FGL2: variants seen among roughly 807,000 people sequenced by gnomAD.
FGL2 encodes fibroleukin.
Under a neutral mutation model 36.0 loss-of-function variants are expected in FGL2, and 21 were observed. That is an observed-to-expected ratio of 0.58 (90% CI 0.41 to 0.84). The LOEUF is 0.84. FGL2 is among the 40% of genes least tolerant of loss of function. FGL2 has a pLI of 0.00. For missense variants in FGL2, 444 were observed against 526.3 expected (o/e 0.84, Z 1.53); for synonymous variants, 183 against 190.7 (o/e 0.96, Z 0.33).
In FGL2 at chr7:77,193,525, C is replaced by T. The variant is rs1396043361; in HGVS notation, c.*2754G>A. The T allele has an allele frequency of 6.6e-6, 1 of 152,154 alleles. No individual in the cohort carries two copies. The highest frequency in any genetic ancestry group is 2.4e-5 in the African/African-American group (1 of 41,448). The allele number at this position is 152,154 out of a possible 1,614,324, so 9.4% of individuals were successfully genotyped here. ...AAGAGCTTATTGTGATGACATTACT[C>T]ATAACTTTTACCTTTAAAACCTTTT... is the stretch of plus-strand genomic sequence containing the variant. On this transcript the variant is annotated 3_prime_UTR_variant, in exon 2 of 2. Transcript: ENST00000248598.
In FGL2 at chr7:77,199,569, G is replaced by A. The variant is rs757330890; in HGVS notation, c.225C>T (p.Ile75=). 1.2e-6 allele frequency: 2 copies of A among 1,614,096 alleles called. No homozygotes were observed. The highest frequency in any genetic ancestry group is 2.2e-5 in the East Asian group (1 of 44,882). The change falls in exon 1 of 2, where the codon ATC becomes ATT. Residue 75 remains isoleucine (I), a synonymous_variant. Coordinates refer to ENST00000248598, the MANE Select transcript of FGL2 (RefSeq NM_006682.3). ...TTTGGACTTCTTTGAACACCTCCTC[G>A]ATCCTGCTGAATTGCTTCGGGAGCT... The part of the protein sequence containing the change: ...TIQLPKQFSR[I]EEVFKEVQNL...
intron 1 of FGL2, among the ~76,000 whole-genome samples, chr7:77,197,695 T>TGAA (rs1381714326): frequency 6.6e-6 from 1 of 152,216 alleles, no homozygotes; most frequent in African/African-American, 2.4e-5. Context: ...CATAAATTCA[T>TGAA]ATTCATTTCA....
chr7:77,193,591 G>T lies in FGL2; in HGVS notation c.*2688C>A, dbSNP rs766504947. On this transcript the variant is annotated 3_prime_UTR_variant, in exon 2 of 2. Coordinates refer to ENST00000248598, the MANE Select transcript of FGL2 (RefSeq NM_006682.3). ...AAAAGTAAAGACCACAAGTTTTGTTGCCCAGATTTCTTATGTTTTGTATAT... is the reference window on the plus strand; with the variant it reads ...AAAAGTAAAGACCACAAGTTTTGTTTCCCAGATTTCTTATGTTTTGTATAT... The T allele has an allele frequency of 1.3e-5, 2 of 152,036 alleles. No individual in the cohort carries two copies. The highest frequency in any genetic ancestry group is 1.3e-4 in the Admixed American group (2 of 15,266). The allele number at this position is 152,036 out of a possible 1,614,324, so 9.4% of individuals were successfully genotyped here. A position where few individuals can be genotyped will look rare whatever the true frequency, so the allele number is the denominator to read the frequency against.
At position 77,196,654 on chromosome 7, in the gene FGL2, C is replaced by A; in HGVS notation, c.945G>T (p.Leu315Phe). The A allele has an allele frequency of 1.9e-6, 3 of 1,614,090 alleles. No homozygotes were observed. The highest frequency in any genetic ancestry group is 1.1e-5 in the South Asian group (1 of 91,088). The change falls in exon 2 of 2, where the codon TTG becomes TTT. Residue 315 changes from leucine to phenylalanine, a missense_variant. Physicochemically the swap from Leu to Phe is conservative, Grantham distance 22 (BLOSUM62 0). Transcript: ENST00000248598. The surrounding 1 kb of genome is among the most constrained non-coding windows in gnomAD (Gnocchi z 4.2). ...EDFNGVELYA[L>F]YDQFYVANEF... ...CATTAGCCACATAAAACTGATCATA[C>A]AAGGCATATAGTTCGACACCATTAA...
chr7:77,196,817 C>T lies in FGL2; in HGVS notation c.782G>A (p.Ser261Asn), dbSNP rs1016961575. 10 of 1,613,982 alleles carry T rather than the reference C, an allele frequency of 6.2e-6. No individual in the cohort carries two copies. The highest frequency in any genetic ancestry group is 8.5e-6 in the Non-Finnish European group (10 of 1,180,024). Reference sequence around the variant, plus strand: ...TTGCCATGTTCTGGTGAAGTTGGTGCTCCCATCGAGACGTGCCTGCAGCAC... The same window carrying T: ...TTGCCATGTTCTGGTGAAGTTGGTGTTCCCATCGAGACGTGCCTGCAGCAC... ...WTVLQARLDGSTNFTRTWQDY... is the reference protein window; with the variant it reads ...WTVLQARLDGNTNFTRTWQDY... Residue 261 changes from serine (S) to asparagine (N), a missense_variant, in exon 2 of 2, where the codon AGC (serine) becomes AAC (asparagine). Physicochemically the swap from Ser to Asn is conservative, Grantham distance 46. Transcript: ENST00000248598. This position sits in a 1 kb window ranked among gnomAD's most constrained non-coding sequence, Gnocchi z 4.2.
chr7:77,195,028 A>T lies in FGL2; in HGVS notation c.*1251T>A, dbSNP rs768402236. 2.0e-5 allele frequency: 3 copies of T among 152,196 alleles called. No individual in the cohort carries two copies. The highest frequency in any genetic ancestry group is 2.9e-5 in the Non-Finnish European group (2 of 68,004). 9.4% of individuals were successfully genotyped at this position (152,196 alleles called of 1,614,324 possible). On this transcript the variant is annotated 3_prime_UTR_variant, in exon 2 of 2. Transcript: ENST00000248598. The stretch of plus-strand genomic sequence containing the variant: ...TACTGTTCTATATATTTCAAAATTC[A>T]TGTTTTCTATCTGTCCTAGAGAAAC...
chr7:77,196,266 T>C lies in FGL2; in HGVS notation c.*13A>G. 1.3e-6 allele frequency: 2 copies of C among 1,593,458 alleles called. No homozygotes were observed. The highest frequency in any genetic ancestry group is 1.7e-6 in the Non-Finnish European group (2 of 1,164,588). On this transcript the variant is annotated 3_prime_UTR_variant, in exon 2 of 2. Transcript: ENST00000248598. This position sits in a 1 kb window ranked among gnomAD's most constrained non-coding sequence, Gnocchi z 4.2. ...ATTAGATAACGAATACCTGGAGGAA[T>C]GAACAGAGTGATTTATGGCTTAAAG...
rs200082660 is a variant in FGL2 at position 77,199,352 on chromosome 7, T to C, written c.442A>G (p.Lys148Glu). Residue 148 changes from lysine (K) to glutamate (E), a missense_variant, in exon 1 of 2, where the codon AAA (lysine) becomes GAA (glutamate). Physicochemically the swap from Lys to Glu is moderately conservative, Grantham distance 56. Transcript: ENST00000248598. ...CCATGAAGTACATTGATCTCCTCTT[T>C]GGCATTCTTTAGCTCAGAGGACAGC... is the stretch of plus-strand genomic sequence containing the variant. ...NKLSSELKNAKEEINVLHGRL... is the reference protein window; with the variant it reads ...NKLSSELKNAEEEINVLHGRL... The C allele has an allele frequency of 3.1e-6, 5 of 1,614,104 alleles. No individual in the cohort carries two copies. The East Asian group carries it at 1.1e-4, about 36-fold the overall frequency.
rs201777914 is a variant in FGL2 at position 77,196,825 on chromosome 7, G to A, written c.774C>T (p.Leu258=). 5.6e-6 allele frequency: 9 copies of A among 1,613,948 alleles called. No homozygotes were observed. In the East Asian group the frequency reaches 6.7e-5, roughly 12 times the overall value. ...GGGWTVLQAR[L]DGSTNFTRTW... The stretch of plus-strand genomic sequence containing the variant: ...TTCTGGTGAAGTTGGTGCTCCCATC[G>A]AGACGTGCCTGCAGCACTGTCCAGC... Residue 258 remains leucine, a synonymous_variant, in exon 2 of 2, where the codon CTC becomes CTT. Coordinates refer to ENST00000248598, the MANE Select transcript of FGL2 (RefSeq NM_006682.3). This position sits in a 1 kb window ranked among gnomAD's most constrained non-coding sequence, Gnocchi z 4.2.
In FGL2 at chr7:77,199,643, C is replaced by G; in HGVS notation, c.151G>C (p.Glu51Gln). 1 of 1,614,202 alleles carries G rather than the reference C, an allele frequency of 6.2e-7. No homozygotes were observed. Among genetic ancestry groups the G allele is most frequent in the Non-Finnish European group, 8.5e-7 (1 of 1,180,014 alleles). ...VRLESRGKCEEAGECPYQVSL... is the reference protein window; with the variant it reads ...VRLESRGKCEQAGECPYQVSL... ...ACCTGGTAGGGGCACTCCCCTGCCTCTTCGCATTTCCCTCTGCTTTCTAGT... is the reference window on the plus strand; with the variant it reads ...ACCTGGTAGGGGCACTCCCCTGCCTGTTCGCATTTCCCTCTGCTTTCTAGT... Residue 51 changes from glutamate to glutamine, a missense_variant, in exon 1 of 2, where the codon GAG (glutamate) becomes CAG (glutamine). Physicochemically the swap from Glu to Gln is conservative, Grantham distance 29 (BLOSUM62 2). Coordinates refer to ENST00000248598, the MANE Select transcript of FGL2 (RefSeq NM_006682.3).
At position 77,199,734 on chromosome 7, in the gene FGL2, CA is replaced by C. The variant is rs779171058; in HGVS notation, c.59del (p.Leu20TrpfsTer22). On this transcript the variant is annotated frameshift_variant, in exon 1 of 2. Transcript: ENST00000248598. LOFTEE classifies it high-confidence loss of function. ...CCTCTGTTTCATTGTTTGCCACAAC[CA>C]AAAAACCGTAAGTGGCAAGAACAGC... ...SSAVLATYGF[L>X]VVANNETEEI... 15 of 1,613,922 alleles carry C rather than the reference CA, an allele frequency of 9.3e-6. No homozygotes were observed. In the Admixed American group the frequency reaches 2.5e-4, roughly 27 times the overall value.
intron 1 of FGL2, chr7:77,198,363 C>T: frequency 1.0e-6 from 1 of 965,268 alleles, no homozygotes; most frequent in Non-Finnish European, 1.2e-6. Context: ...AAGTATGAGA[C>T]AGTCAGCAAC....
In FGL2 at chr7:77,199,571, T is replaced by C; in HGVS notation, c.223A>G (p.Ile75Val). ...TIQLPKQFSR[I>V]EEVFKEVQNL... ...TGGACTTCTTTGAACACCTCCTCGA[T>C]CCTGCTGAATTGCTTCGGGAGCTGA... The change falls in exon 1 of 2, where the codon ATC becomes GTC. Residue 75 changes from isoleucine (I) to valine (V), a missense_variant. Ile to Val is a conservative substitution (Grantham distance 29, BLOSUM62 3). Coordinates refer to ENST00000248598, the MANE Select transcript of FGL2 (RefSeq NM_006682.3). 6.2e-7 allele frequency: 1 copy of C among 1,614,162 alleles called. No homozygotes were observed. Among genetic ancestry groups the C allele is most frequent in the Middle Eastern group, 1.6e-4 (1 of 6,062 alleles).
chr7:77,199,057 C>A, intron 1 of FGL2, 124 bp downstream of exon 1: 1 of 829,024 alleles, frequency 1.2e-6, no homozygotes, highest in Admixed American at 2.5e-5. Flanking sequence ...TTCCTGTGCA[C>A]CTTGATAAAT....
At position 77,195,190 on chromosome 7, in the gene FGL2, T is replaced by C. The variant is rs1791844446; in HGVS notation, c.*1089A>G. The C allele has an allele frequency of 7.9e-6, 1 of 126,936 alleles. No individual in the cohort carries two copies. The highest frequency in any genetic ancestry group is 1.6e-5 in the Non-Finnish European group (1 of 62,920). 7.9% of individuals were successfully genotyped at this position (126,936 alleles called of 1,614,324 possible). On this transcript the variant is annotated 3_prime_UTR_variant, in exon 2 of 2. Transcript: ENST00000248598. ...CACCCCCCCCAAAAAAACCTACCAGTAGTCTAGTACAGTAGTGAGCAATCT... is the reference window on the plus strand; with the variant it reads ...CACCCCCCCCAAAAAAACCTACCAGCAGTCTAGTACAGTAGTGAGCAATCT...
rs984083913 is a variant in FGL2, at chr7:77,196,102, A to T, written c.*177T>A. 2.1e-5 allele frequency: 12 copies of T among 565,472 alleles called. No individual in the cohort carries two copies. Among genetic ancestry groups the T allele is most frequent in the Non-Finnish European group, 3.4e-5 (11 of 321,620 alleles). The allele number at this position is 565,472 out of a possible 1,614,324, so 35.0% of individuals were successfully genotyped here. A position where few individuals can be genotyped will look rare whatever the true frequency, so the allele number is the denominator to read the frequency against. On this transcript the variant is annotated 3_prime_UTR_variant, in exon 2 of 2. Coordinates refer to ENST00000248598, the MANE Select transcript of FGL2 (RefSeq NM_006682.3). This position sits in a 1 kb window ranked among gnomAD's most constrained non-coding sequence, Gnocchi z 4.2. ...TTGGATAACAGCATAACAACAAAGG[A>T]CTCCTTTAAAATGCATTGTTTTTCA...
At chr7:77,198,720 GA>G (rs748693172) in intron 1 of FGL2, 115 of 165,828 alleles carry the variant, frequency 6.9e-4, no homozygotes, top group Non-Finnish European at 1.2e-3. Flanking sequence ...TTGGGATTAA[GA>G]ACTAGATTAC....
chr7:77,198,072 T>A, intron 1 of FGL2: 1 of 933,288 alleles, frequency 1.1e-6, no homozygotes, highest in Non-Finnish European at 1.3e-6. Flanking sequence ...CTTCATATCA[T>A]GACAAGTTGC....
rs963180258 is a variant in FGL2 at position 77,193,777 on chromosome 7, C to T, written c.*2502G>A. 6.6e-6 allele frequency: 1 copy of T among 152,408 alleles called. No homozygotes were observed. The highest frequency in any genetic ancestry group is 1.5e-5 in the Non-Finnish European group (1 of 67,948). The allele number at this position is 152,408 out of a possible 1,614,324, so 9.4% of individuals were successfully genotyped here. On this transcript the variant is annotated 3_prime_UTR_variant, in exon 2 of 2. Transcript: ENST00000248598. ...AGTCAATATTTTCAAGTAATCATGA[C>T]CTCAGAAATAGTCTTAATTAAGATA...
Sources: allele counts gnomAD v4.1 joint callset (sites outside exome capture counted in the v4.1 genomes callset), GRCh38; gene constraint gnomAD v4.1.1; non-coding constraint Gnocchi (gnomAD v3.1); transcripts MANE v1.5; gene names NCBI Gene and HGNC (gene_info 2026-07-23, HGNC 2026-07-21).